The following SOX5 variants were observed in gnomAD, a reference collection of about 807,000 sequenced individuals.
The protein encoded by SOX5 is SRY-box transcription factor 5, also known as transcription factor SOX-5.
SOX5 carries 9 observed loss-of-function variants against 92.0 expected under a neutral mutation model. The ratio of observed to expected loss-of-function variants is 0.10; its 90% CI spans 0.06 to 0.17. The LOEUF is 0.17. Among genes scored for constraint, SOX5 ranks in the 10% least tolerant of loss-of-function variants. SOX5 has a pLI of 1.00. For synonymous variants in SOX5, 344 were observed against 336.3 expected, an observed-to-expected ratio of 1.02 and a Z score of -0.25; for missense variants, 642 against 944.5, an observed-to-expected ratio of 0.68 and a Z score of 4.20.
chr12:24,323,220 A>G (rs1950368449), intron 2 of SOX5, among the ~76,000 whole-genome samples: 1 of 151,950 alleles, frequency 6.6e-6, no homozygotes, highest in Admixed American at 6.6e-5. Context: ...AATTATTCAA[A>G]TAAATGATTT....
At chr12:24,537,192 T>C (rs959945351) in intron 1 of SOX5, among the ~76,000 whole-genome samples, 1 of 152,196 alleles carries the variant, frequency 6.6e-6, no homozygotes, top group African/African-American at 2.4e-5. Flanking sequence ...AAAGTGAGTA[T>C]CATAGGTTGA....
At chr12:23,902,858 A>G (rs1383375020) in intron 1 of SOX5, among the ~76,000 whole-genome samples, 2 of 152,214 alleles carry the variant, frequency 1.3e-5, no homozygotes, top group African/African-American at 4.8e-5. Context: ...GACACAATTA[A>G]TAATAGGGCA....
rs28709910 is a variant in SOX5, at chr12:23,669,975, G to C, written c.811-4411C>G. On this transcript the variant is annotated intron_variant, in intron 6 of 14. Coordinates refer to ENST00000451604, the MANE Select transcript of SOX5 (RefSeq NM_006940.6). Reference sequence around the variant, plus strand: ...AGAATGGCCTAGACAATCTAGAAAAGATCTGAAGGAAAAAGGGGAACAGCT... The same window carrying C: ...AGAATGGCCTAGACAATCTAGAAAACATCTGAAGGAAAAAGGGGAACAGCT... Among the ~76,000 whole-genome samples the C allele has an allele frequency of 1.8e-3, 279 of 152,234 alleles. 1 individual carries two copies. The highest frequency in any genetic ancestry group is 6.5e-3 in the African/African-American group (270 of 41,566).
At chr12:24,439,436 TAGA>T (rs1226916524) in intron 1 of SOX5, among the ~76,000 whole-genome samples, 3 of 152,334 alleles carry the variant, frequency 2.0e-5, no homozygotes, top group African/African-American at 4.8e-5. Flanking sequence ...TTCATCTATC[TAGA>T]AGGACTATCC....
At chr12:23,932,509 T>C (rs138364604) in intron 1 of SOX5, among the ~76,000 whole-genome samples, 32 of 151,804 alleles carry the variant, frequency 2.1e-4, no homozygotes, top group African/African-American at 7.7e-4. Context: ...ATTGTGATTA[T>C]ATAAGAGAAT....
chr12:23,834,980 C>T (rs1269656854), intron 3 of SOX5, among the ~76,000 whole-genome samples: 4 of 151,800 alleles, frequency 2.6e-5, no homozygotes, highest in East Asian at 3.9e-4. Flanking sequence ...AGATTTCTAA[C>T]GTTCTTGACA....
chr12:23,701,354 A>T (rs1396920524), intron 6 of SOX5, among the ~76,000 whole-genome samples: 4 of 149,906 alleles, frequency 2.7e-5, no homozygotes, highest in African/African-American at 4.9e-5. Flanking sequence ...GTTTCTTGAA[A>T]TTTTTTTTTT....
chr12:24,515,211 G>A (rs909903361), intron 1 of SOX5, among the ~76,000 whole-genome samples: 23 of 152,112 alleles, frequency 1.5e-4, no homozygotes, highest in African/African-American at 5.6e-4. Context: ...TTCAAATCTT[G>A]GACCTGGCAT....
At chr12:23,639,439 C>G (rs1423205643) in intron 8 of SOX5, among the ~76,000 whole-genome samples, 1 of 152,174 alleles carries the variant, frequency 6.6e-6, no homozygotes, top group Non-Finnish European at 1.5e-5. Flanking sequence ...TCTGAAATCT[C>G]TAAAACCCCT....
At chr12:24,109,325 T>C (rs1947054306) in intron 4 of SOX5, among the ~76,000 whole-genome samples, 1 of 152,150 alleles carries the variant, frequency 6.6e-6, no homozygotes. Context: ...CACAAAATAA[T>C]TGGTAAAAAT....
intron 1 of SOX5, among the ~76,000 whole-genome samples, chr12:24,404,192 G>T (rs764639672): frequency 2.4e-4 from 37 of 152,076 alleles, no homozygotes; most frequent in Admixed American, 4.6e-4. Flanking sequence ...CCTTTTGCAT[G>T]ATTTAAATAT....
chr12:24,334,576 T>A (rs542421351), intron 2 of SOX5, among the ~76,000 whole-genome samples: 1 of 152,220 alleles, frequency 6.6e-6, no homozygotes, highest in Non-Finnish European at 1.5e-5. Context: ...CACTATTTTA[T>A]ACTGCCAATG....
intron 6 of SOX5, among the ~76,000 whole-genome samples, chr12:23,704,687 C>CATATATATATATATATATATATAT (rs376550773): frequency 7.7e-4 from 69 of 90,100 alleles, no homozygotes; most frequent in South Asian, 1.6e-3. Flanking sequence ...TATATGCATG[C>CATATATATATATATATATATATAT]ATATATATAT....
intron 3 of SOX5, among the ~76,000 whole-genome samples, chr12:23,795,283 G>A (rs370551585): frequency 6.8e-6 from 1 of 146,360 alleles, no homozygotes; most frequent in Non-Finnish European, 1.5e-5. Flanking sequence ...TTTTTTTTTT[G>A]ATGGATGGAC....
At position 24,244,621 on chromosome 12, in the gene SOX5, G is replaced by C. The variant is rs978554944; in HGVS notation, c.-76-31204C>G. 4.6e-5 allele frequency among the ~76,000 whole-genome samples: 7 copies of C among 152,258 alleles called. No individual in the cohort carries two copies. In the East Asian group the frequency reaches 1.2e-3, roughly 25 times the overall value. The stretch of plus-strand genomic sequence containing the variant: ...GCCATCCTCCCTGGAAATTTGGAGA[G>C]ATTAGATACATCAACACAGGTGAAA... On this transcript the variant is annotated intron_variant, in intron 3 of 4. Coordinates refer to the SOX5 transcript ENST00000446891.
chr12:24,455,938 T>C (rs1233410728), intron 1 of SOX5, among the ~76,000 whole-genome samples: 3 of 152,182 alleles, frequency 2.0e-5, no homozygotes, highest in Non-Finnish European at 4.4e-5. Flanking sequence ...TGCGAGGCCA[T>C]GCAGTCCAAA....
At chr12:24,240,717 C>G (rs904705965) in intron 3 of SOX5, among the ~76,000 whole-genome samples, 2 of 152,108 alleles carry the variant, frequency 1.3e-5, no homozygotes, top group African/African-American at 4.8e-5. Context: ...CAGGACACTT[C>G]CCTTGGTGGC....
At chr12:24,110,900 CAAAAAAAAAAAAAAAAAA>C (rs67100585) in intron 4 of SOX5, among the ~76,000 whole-genome samples, 2 of 27,590 alleles carry the variant, frequency 7.2e-5, no homozygotes, top group Admixed American at 5.5e-4. Flanking sequence ...GACTCCACTT[CAAAAAAAAAAAAAAAAAA>C]AAAAAAAAAA....
intron 4 of SOX5, among the ~76,000 whole-genome samples, chr12:24,173,102 TCA>T (rs1000082679): frequency 3.3e-5 from 5 of 152,308 alleles, no homozygotes; most frequent in Admixed American, 6.5e-5. Context: ...GTATTCACAA[TCA>T]CACTCCCGTG....
Sources: gnomAD v4.1 joint callset for allele counts (sites outside exome capture counted in the v4.1 genomes callset) on GRCh38, gnomAD v4.1.1 for gene constraint, MANE v1.5 for transcripts, NCBI Gene and HGNC (gene_info 2026-07-23, HGNC 2026-07-21) for gene names.